Variants in SPAST observed in about 807,000 individuals in gnomAD.
SPAST encodes the protein spastic paraplegia 4 (autosomal dominant; spastin).
SPAST carries 30 observed loss-of-function variants against 76.6 expected under a neutral mutation model. The observed-to-expected ratio is 0.39, with a 90% CI of 0.29 to 0.53. The LOEUF is 0.53. SPAST is among the 20% of genes least tolerant of loss of function. The pLI is 0.68. For missense variants in SPAST, 717 were observed against 770.5 expected (o/e 0.93, Z 0.82); for synonymous variants, 305 against 281.0 (o/e 1.09, Z -0.86).
At chr2:32,124,366 A>C (rs1019776344) in intron 7 of SPAST, among the ~76,000 whole-genome samples, 9 of 152,174 alleles carry the variant, frequency 5.9e-5, no homozygotes, top group African/African-American at 1.7e-4. Flanking sequence ...AACACTGACA[A>C]CACCAAATTC....
intron 3 of SPAST, among the ~76,000 whole-genome samples, chr2:32,097,631 T>C (rs936463953): frequency 2.0e-5 from 3 of 152,102 alleles, no homozygotes; most frequent in African/African-American, 7.2e-5. Context: ...ACAATCCTTA[T>C]AGTTTCATTC....
intron 9 of SPAST, among the ~76,000 whole-genome samples, 154 bp from the exon 10 acceptor site, chr2:32,136,409 C>T (rs1222845923): frequency 7.8e-6 from 1 of 128,572 alleles, no homozygotes; most frequent in Non-Finnish European, 1.7e-5. Flanking sequence ...TTGTAAGGGA[C>T]GGTTAGTAGT....
chr2:32,128,286 C>T (rs899321696), intron 8 of SPAST, 122 bp from the exon 9 acceptor site: 6 of 754,806 alleles, frequency 7.9e-6, no homozygotes, highest in African/African-American at 3.5e-5. Context: ...TGAGCCACCA[C>T]ACCTGGCCTC....
At chr2:32,147,833 G>A (rs1039203117) in intron 16 of SPAST, among the ~76,000 whole-genome samples, 36 of 150,452 alleles carry the variant, frequency 2.4e-4, no homozygotes, top group Non-Finnish European at 4.9e-4. Context: ...GGGTTTCACC[G>A]TGTTAGCCAG....
At chr2:32,101,474 C>T (rs926208194) in intron 4 of SPAST, among the ~76,000 whole-genome samples, 4 of 152,058 alleles carry the variant, frequency 2.6e-5, no homozygotes, top group African/African-American at 9.7e-5. Flanking sequence ...TAATTAGATC[C>T]CATTTGTCAA....
chr2:32,148,731 A>C (rs1679977067), intron 16 of SPAST, among the ~76,000 whole-genome samples: 1 of 151,870 alleles, frequency 6.6e-6, no homozygotes, highest in Non-Finnish European at 1.5e-5. Context: ...GAATGGCGTG[A>C]ACCTGGGAAG....
chr2:32,132,909 T>C lies in SPAST; in HGVS notation c.1246-3654T>C, dbSNP rs112733444. On this transcript the variant is annotated intron_variant, in intron 9 of 16. Transcript: ENST00000315285. ...AAAATACAAAAGATGAGCTGGGCAT[T>C]GTGGCACATGCCTGTAATCCCAGCT... Among the ~76,000 whole-genome samples, 446 of 152,110 alleles carry C rather than the reference T, an allele frequency of 2.9e-3. 4 individuals are homozygous for C. Among genetic ancestry groups the C allele is most frequent in the African/African-American group, 0.01 (422 of 41,508 alleles).
chr2:32,119,247 C>T (rs1380317640), intron 7 of SPAST, among the ~76,000 whole-genome samples: 1 of 152,148 alleles, frequency 6.6e-6, no homozygotes, highest in African/African-American at 2.4e-5. Flanking sequence ...TCACAATAGA[C>T]TCACAAAATG....
intron 3 of SPAST, among the ~76,000 whole-genome samples, chr2:32,096,893 A>C (rs1405930756): frequency 2.0e-5 from 3 of 151,732 alleles, no homozygotes; most frequent in African/African-American, 7.3e-5. Flanking sequence ...AAAAAAAAAA[A>C]CCTCCAAGGT....
chr2:32,155,352 T>A lies in SPAST; in HGVS notation c.*856T>A, dbSNP rs537043632. The A allele has an allele frequency of 3.3e-5, 5 of 151,406 alleles. No homozygotes were observed. In the South Asian group the frequency reaches 1.0e-3, roughly 31 times the overall value. The allele number at this position is 151,406 out of a possible 1,614,324, so 9.4% of individuals were successfully genotyped here. A position where few individuals can be genotyped will look rare whatever the true frequency, so the allele number is the denominator to read the frequency against. ...ATTTTCTGCAAGAATTATTCTGATA[T>A]TTAAGAGAGCCAATTTTAACTGCTG... On this transcript the variant is annotated 3_prime_UTR_variant, in exon 17 of 17. Transcript: ENST00000315285.
At chr2:32,097,230 G>A (rs1318722552) in intron 3 of SPAST, among the ~76,000 whole-genome samples, 2 of 152,166 alleles carry the variant, frequency 1.3e-5, no homozygotes, top group African/African-American at 4.8e-5. Context: ...TCAGTTGCTA[G>A]ACTTAAGAGA....
At chr2:32,091,285 TATTA>T (rs1677706260) in intron 3 of SPAST, among the ~76,000 whole-genome samples, 1 of 144,950 alleles carries the variant, frequency 6.9e-6, no homozygotes. Flanking sequence ...TTATTATTAT[TATTA>T]TTATTATTCG....
intron 4 of SPAST, among the ~76,000 whole-genome samples, chr2:32,111,178 CTA>C (rs1678576822): frequency 8.5e-6 from 1 of 117,368 alleles, no homozygotes; most frequent in South Asian, 2.7e-4. Context: ...ATACAGTATA[CTA>C]TATAGTGTGT....
chr2:32,108,619 T>C (rs1678413268), intron 4 of SPAST, among the ~76,000 whole-genome samples: 1 of 151,968 alleles, frequency 6.6e-6, no homozygotes, highest in African/African-American at 2.4e-5. Context: ...GCCAGCTAAT[T>C]TTTGTATTTT....
chr2:32,132,286 G>A (rs1236576006), intron 9 of SPAST, among the ~76,000 whole-genome samples: 1 of 152,134 alleles, frequency 6.6e-6, no homozygotes, highest in Non-Finnish European at 1.5e-5. Context: ...AGCCACTTGG[G>A]AGACTGAAGT....
Position 32,136,527 on chromosome 2 carries a change from A to G in SPAST, c.1246-36A>G, listed in dbSNP as rs1437112575. ...ATTTAAAAAACTGGAATAATGTTGC[A>G]TTTTATGTGTATAACAGTATAATGC... On this transcript the variant is annotated intron_variant, in intron 9 of 16. Coordinates refer to ENST00000315285, the MANE Select transcript of SPAST (RefSeq NM_014946.4). 5 of 1,438,748 alleles carry G rather than the reference A, an allele frequency of 3.5e-6. No individual in the cohort carries two copies. The African/African-American group carries it at 7.0e-5, about 20-fold the overall frequency. 89.1% of individuals were successfully genotyped at this position (1,438,748 alleles called of 1,614,324 possible).
intron 16 of SPAST, among the ~76,000 whole-genome samples, chr2:32,151,515 T>G (rs1415274455): frequency 6.6e-6 from 1 of 152,196 alleles, no homozygotes; most frequent in Admixed American, 6.5e-5. Context: ...GTTTGCTCTC[T>G]AAAACTGTAT....
At chr2:32,146,851 C>CAAAAAAAAAAAAAA (rs397984237) in intron 15 of SPAST, among the ~76,000 whole-genome samples, 5 of 19,238 alleles carry the variant, frequency 2.6e-4, no homozygotes, top group Admixed American at 8.3e-4. Context: ...GACTCTGTCT[C>CAAAAAAAAAAAAAA]AAAAAAAAAA....
chr2:32,102,601 T>C (rs1442772489), intron 4 of SPAST, among the ~76,000 whole-genome samples: 1 of 152,200 alleles, frequency 6.6e-6, no homozygotes, highest in Non-Finnish European at 1.5e-5. Context: ...ATATTGGCTG[T>C]GGGTTTGTCA....
Sources: allele counts gnomAD v4.1 joint callset (sites outside exome capture counted in the v4.1 genomes callset), GRCh38; gene constraint gnomAD v4.1.1; transcripts MANE v1.5; gene names NCBI Gene and HGNC (gene_info 2026-07-23, HGNC 2026-07-21).